Variants in SHANK2 observed in about 807,000 individuals in gnomAD.
SHANK2 encodes SH3 and multiple ankyrin repeat domains 2.
A neutral mutation model predicts 133.7 loss-of-function variants in SHANK2; 43 were observed. The observed-to-expected ratio is 0.32, with a 90% confidence interval of 0.25 to 0.41. SHANK2 has a LOEUF of 0.41. Among genes scored for constraint, SHANK2 ranks in the 10% least tolerant of loss-of-function variants. SHANK2 has a pLI of 1.00. For synonymous variants in SHANK2, 1,017 were observed against 952.8 expected (o/e 1.07, Z -1.24); for missense variants, 1,994 against 2,235.8 (o/e 0.89, Z 2.18).
At chr11:70,729,204 A>AG (rs71049935) in intron 14 of SHANK2, among the ~76,000 whole-genome samples, 2 of 149,000 alleles carry the variant, frequency 1.3e-5, no homozygotes, top group Non-Finnish European at 3.0e-5. Flanking sequence ...CTAAAAAAAA[A>AG]TTAAAAAAAA....
intron 11 of SHANK2, among the ~76,000 whole-genome samples, chr11:70,867,518 T>C (rs1343250284): frequency 6.6e-6 from 1 of 152,212 alleles, no homozygotes; most frequent in Non-Finnish European, 1.5e-5. Context: ...CAAAGCTGCC[T>C]GAGCCAGGGA....
rs74937165 is a variant in SHANK2 at position 71,225,150 on chromosome 11, A to G, written c.-112-354T>C. Among the ~76,000 whole-genome samples the G allele has an allele frequency of 6.0e-3, 918 of 152,312 alleles. 17 individuals carry two copies. The East Asian group carries it at 0.067, about 11-fold the overall frequency. On this transcript the variant is annotated intron_variant, in intron 1 of 25. Coordinates refer to ENST00000601538, the MANE Select transcript of SHANK2 (RefSeq NM_012309.5). ...CAGGAGCAGGAACAGTACCACAACA[A>G]AAGCATATTCTCTTTAGTCGAAAGA...
At chr11:71,234,232 C>G (rs190222109) in intron 1 of SHANK2, among the ~76,000 whole-genome samples, 2 of 138,462 alleles carry the variant, frequency 1.4e-5, no homozygotes, top group Non-Finnish European at 3.0e-5. Flanking sequence ...TGTGGTGGTG[C>G]GTGCCTGTAA....
chr11:70,806,993 G>A lies in SHANK2; in HGVS notation c.1663+9C>T. On this transcript the variant is annotated intron_variant, in intron 13 of 25. Coordinates refer to ENST00000601538, the MANE Select transcript of SHANK2 (RefSeq NM_012309.5). ...CTCCAGGAGCGGAGGACAACCAGCA[G>A]ACACTGACCTTTGACCCTGTCACCG... 1 of 716,444 alleles carries A rather than the reference G, an allele frequency of 1.4e-6. No homozygotes were observed. The allele number at this position is 716,444 out of a possible 1,614,324, so 44.4% of individuals were successfully genotyped here. A position where few individuals can be genotyped will look rare whatever the true frequency, so the allele number is the denominator to read the frequency against.
At chr11:70,703,803 T>G (rs1292611367) in intron 14 of SHANK2, among the ~76,000 whole-genome samples, 1 of 152,194 alleles carries the variant, frequency 6.6e-6, no homozygotes, top group Non-Finnish European at 1.5e-5. Flanking sequence ...CAGCCGCGCA[T>G]GCACCTGCTC....
intron 17 of SHANK2, among the ~76,000 whole-genome samples, chr11:70,516,238 T>A (rs1412662665): frequency 2.6e-5 from 4 of 152,166 alleles, no homozygotes; most frequent in African/African-American, 9.7e-5. Context: ...ACTATACAGC[T>A]ACAGTAATCA....
At chr11:70,917,801 T>A (rs1950290258) in intron 10 of SHANK2, among the ~76,000 whole-genome samples, 2 of 152,170 alleles carry the variant, frequency 1.3e-5, no homozygotes, top group Admixed American at 6.5e-5. Context: ...GGGAACTAAA[T>A]GTTAAGAACA....
intron 10 of SHANK2, among the ~76,000 whole-genome samples, chr11:70,904,507 TG>T (rs1231821707): frequency 2.0e-4 from 14 of 70,962 alleles, no homozygotes; most frequent in Admixed American, 4.9e-4. Flanking sequence ...GGAGATCTGA[TG>T]GGTTTTTTTT....
chr11:70,881,123 G>A (rs569460244), intron 11 of SHANK2, among the ~76,000 whole-genome samples: 207 of 152,264 alleles, frequency 1.4e-3, no homozygotes, highest in Admixed American at 2.8e-3. Flanking sequence ...TTGCAGCCTT[G>A]AACTACCAGG....
intron 2 of SHANK2, among the ~76,000 whole-genome samples, chr11:71,214,988 C>G (rs549918461): frequency 6.6e-6 from 1 of 152,332 alleles, no homozygotes; most frequent in African/African-American, 2.4e-5. Flanking sequence ...CGGTTTCCTC[C>G]TGGATCCCAC....
At chr11:70,902,065 G>A (rs925620085) in intron 10 of SHANK2, among the ~76,000 whole-genome samples, 12 of 152,202 alleles carry the variant, frequency 7.9e-5, no homozygotes, top group Non-Finnish European at 1.5e-4. Flanking sequence ...CCCGGGGCCC[G>A]GCTGGCACTC....
At chr11:70,612,746 T>C (rs893205478) in intron 17 of SHANK2, among the ~76,000 whole-genome samples, 5 of 152,234 alleles carry the variant, frequency 3.3e-5, no homozygotes, top group Admixed American at 3.3e-4. Context: ...CCTTAAACAA[T>C]ACATGGATTC....
chr11:70,929,327 G>A (rs782287851), intron 10 of SHANK2, among the ~76,000 whole-genome samples: 51 of 152,242 alleles, frequency 3.3e-4, no homozygotes, highest in Non-Finnish European at 3.2e-4. Context: ...TCAAAGAGCT[G>A]CTGGGAAGAT....
At chr11:70,519,966 T>A (rs1284755100) in intron 17 of SHANK2, among the ~76,000 whole-genome samples, 2 of 149,762 alleles carry the variant, frequency 1.3e-5, no homozygotes, top group Non-Finnish European at 3.0e-5. Context: ...CAGGCTGGTC[T>A]CAAACTCCTG....
chr11:70,723,365 C>A (rs2134675488), intron 14 of SHANK2, among the ~76,000 whole-genome samples: 1 of 151,420 alleles, frequency 6.6e-6, no homozygotes, highest in South Asian at 2.1e-4. Context: ...CCTTGGGGAA[C>A]CCCATCTAGC....
In SHANK2 at chr11:71,079,120, C is replaced by T. The variant is rs949192429; in HGVS notation, c.913-3845G>A. ...CAGGCGAATGGTCCCCATGTATCCC[C>T]GTGAAGGTGTGATGCTGACAGCACA... On this transcript the variant is annotated intron_variant, in intron 8 of 25. Coordinates refer to ENST00000601538, the MANE Select transcript of SHANK2 (RefSeq NM_012309.5). Among the ~76,000 whole-genome samples the T allele has an allele frequency of 2.0e-4, 30 of 152,330 alleles. No individual in the cohort carries two copies. The South Asian group carries it at 4.8e-3, about 24-fold the overall frequency.
At chr11:70,898,609 G>A (rs868990258) in intron 10 of SHANK2, among the ~76,000 whole-genome samples, 13 of 152,156 alleles carry the variant, frequency 8.5e-5, no homozygotes, top group Non-Finnish European at 1.5e-4. Context: ...CTGTGTGAGC[G>A]ATAAAATCAG....
At chr11:70,907,902 G>A (rs782009697) in intron 10 of SHANK2, 6 of 453,664 alleles carry the variant, frequency 1.3e-5, no homozygotes, top group Non-Finnish European at 2.2e-5. Flanking sequence ...AAGAGTTCGA[G>A]ACCAGTCTGG....
At chr11:70,514,568 A>G (rs1294383965) in intron 17 of SHANK2, among the ~76,000 whole-genome samples, 1 of 152,248 alleles carries the variant, frequency 6.6e-6, no homozygotes, top group African/African-American at 2.4e-5. Flanking sequence ...CATGACAATT[A>G]TAGAATAAAG....
Sources: gnomAD v4.1 joint callset for allele counts (sites outside exome capture counted in the v4.1 genomes callset) on GRCh38, gnomAD v4.1.1 for gene constraint, MANE v1.5 for transcripts, NCBI Gene and HGNC (gene_info 2026-07-23, HGNC 2026-07-21) for gene names.